MMEL1: variants seen among roughly 807,000 people sequenced by gnomAD.
MMEL1 encodes membrane metalloendopeptidase like 1.
MMEL1 carries 98 observed loss-of-function variants against 117.1 expected under a neutral mutation model. The observed-to-expected ratio is 0.84, with a 90% CI of 0.71 to 0.99. The LOEUF (loss-of-function observed/expected upper bound fraction) is 0.99, where lower values mean the gene tolerates loss of function less well. MMEL1 is among the 50% of genes least tolerant of loss of function. The probability of loss-of-function intolerance (pLI) is 0.00; values close to 1 mark genes in which losing one functional copy is unlikely to be tolerated. For missense variants in MMEL1, 1,014 were observed against 1,049.1 expected (o/e 0.97, Z 0.46); for synonymous variants, 390 against 415.1 (o/e 0.94, Z 0.74).
At chr1:2,624,414 T>C (rs746410503) in intron 2 of MMEL1, among the ~76,000 whole-genome samples, 1 of 152,186 alleles carries the variant, frequency 6.6e-6, no homozygotes, top group Non-Finnish European at 1.5e-5. Context: ...AGGAATTCAA[T>C]CCCTCACACT....
Position 2,612,129 on chromosome 1 carries a change from CG to C in MMEL1, c.229del (p.Arg77GlufsTer9). Reference sequence around the variant, plus strand: ...TTGGAAGGGAAGGCAAAGGCTACCTCGGGGTTTTCGTTTTACAAAGGTCCTC... The same window carrying C: ...TTGGAAGGGAAGGCAAAGGCTACCTCGGGTTTTCGTTTTACAAAGGTCCTC... Reference protein sequence around the residue: ...EERTFVKRKPRGIPEAQEVSE... With the variant: ...EERTFVKRKPXGIPEAQEVSE... On this transcript the variant is annotated frameshift_variant, in exon 3 of 24. Transcript: ENST00000378412. LOFTEE classifies it high-confidence loss of function. The surrounding 1 kb of genome is among the most constrained non-coding windows in gnomAD (Gnocchi z 5.4). 6.3e-7 allele frequency: 1 copy of C among 1,576,978 alleles called. No individual in the cohort carries two copies. The highest frequency in any genetic ancestry group is 1.2e-5 in the South Asian group (1 of 86,504).
chr1:2,603,406 C>A (rs560970091), intron 11 of MMEL1, among the ~76,000 whole-genome samples: 1 of 152,310 alleles, frequency 6.6e-6, no homozygotes, highest in African/African-American at 2.4e-5. Flanking sequence ...CAGCCCCCAC[C>A]TCAAAGCACA....
At chr1:2,600,339 G>A (rs1029443781) in intron 11 of MMEL1, among the ~76,000 whole-genome samples, 1 of 151,972 alleles carries the variant, frequency 6.6e-6, no homozygotes, top group Non-Finnish European at 1.5e-5. Context: ...TCAGCATTAT[G>A]CTCAAAATCC....
At chr1:2,600,105 T>A (rs1209220506) in intron 11 of MMEL1, among the ~76,000 whole-genome samples, 1 of 152,026 alleles carries the variant, frequency 6.6e-6, no homozygotes, top group Non-Finnish European at 1.5e-5. Flanking sequence ...GTAGCTGAGA[T>A]TACAGGCATG....
At chr1:2,594,697 G>A (rs896626158) in intron 17 of MMEL1, 93 bp downstream of exon 17, 21 of 1,129,862 alleles carry the variant, frequency 1.9e-5, no homozygotes, top group Middle Eastern at 2.6e-4. Flanking sequence ...CCCCAGCCAC[G>A]CATCCAGTCC....
At chr1:2,596,179 G>C in intron 14 of MMEL1, 72 bp from the exon 15 acceptor site, 1 of 1,422,910 alleles carries the variant, frequency 7.0e-7, no homozygotes, top group Non-Finnish European at 9.8e-7. Context: ...AGGGCTTTGG[G>C]GAGGTCTGGT....
At chr1:2,610,627 A>G (rs2100948779) in intron 4 of MMEL1, among the ~76,000 whole-genome samples, 1 of 152,300 alleles carries the variant, frequency 6.6e-6, no homozygotes, top group African/African-American at 2.4e-5. Flanking sequence ...GTATTCTGCT[A>G]GAGGGGTTGG....
rs1460055220 is a variant in MMEL1 at position 2,604,231 on chromosome 1, C to T, written c.867G>A (p.Arg289=). ...QFMVSVATLL[R]EDANLPRDSC... ...TGTCCCTGGGCAGGTTTGCATCCTC[C>T]CGCAGCAACGTGGCCACTGACACCA... Residue 289 remains arginine, a synonymous_variant, in exon 10 of 24, where the codon CGG becomes CGA. Transcript: ENST00000378412. 5 of 1,612,902 alleles carry T rather than the reference C, an allele frequency of 3.1e-6. No homozygotes were observed. The highest frequency in any genetic ancestry group is 3.3e-5 in the Admixed American group (2 of 60,024).
intron 11 of MMEL1, among the ~76,000 whole-genome samples, chr1:2,602,497 G>A (rs1462554336): frequency 6.6e-6 from 1 of 152,132 alleles, no homozygotes; most frequent in African/African-American, 2.4e-5. Flanking sequence ...CAACCCCAAA[G>A]CCACCTCCAC....
chr1:2,614,390 T>A (rs1445217336), intron 2 of MMEL1, among the ~76,000 whole-genome samples: 1 of 152,200 alleles, frequency 6.6e-6, no homozygotes, highest in African/African-American at 2.4e-5. Context: ...GGATCCCAGC[T>A]GAACTCTGAA....
intron 2 of MMEL1, among the ~76,000 whole-genome samples, chr1:2,613,855 T>C (rs546908198): frequency 2.0e-5 from 3 of 151,704 alleles, no homozygotes; most frequent in African/African-American, 7.3e-5. Context: ...TGTCTCAAAA[T>C]AAAAACAAAA....
intron 1 of MMEL1, among the ~76,000 whole-genome samples, chr1:2,631,050 TGTGTGC>T (rs1314218050): frequency 3.3e-5 from 5 of 152,206 alleles, no homozygotes. Context: ...GGTGTGCACG[TGTGTGC>T]GTGTGCTCTG....
rs1644824724 is a variant in MMEL1, at chr1:2,595,684, G to A, written c.1500+325C>T. On this transcript the variant is annotated intron_variant, in intron 15 of 23. Coordinates refer to ENST00000378412, the MANE Select transcript of MMEL1 (RefSeq NM_033467.4). This position sits in a 1 kb window ranked among gnomAD's most constrained non-coding sequence, Gnocchi z 4.8. ...TCACTTGGGTCCAGAGGAGCTTCTGGTGGGTCTGACCCTTGCTCCCGAGGC... is the reference window on the plus strand; with the variant it reads ...TCACTTGGGTCCAGAGGAGCTTCTGATGGGTCTGACCCTTGCTCCCGAGGC... 6.6e-6 allele frequency among the ~76,000 whole-genome samples: 1 copy of A among 152,146 alleles called. No homozygotes were observed. The highest frequency in any genetic ancestry group is 1.5e-5 in the Non-Finnish European group (1 of 68,010).
intron 2 of MMEL1, among the ~76,000 whole-genome samples, chr1:2,615,552 C>T (rs531681684): frequency 1.1e-4 from 16 of 152,132 alleles, no homozygotes; most frequent in South Asian, 6.2e-4. Flanking sequence ...GACCCTGGGA[C>T]GGTAAGAGGA....
intron 2 of MMEL1, among the ~76,000 whole-genome samples, chr1:2,614,716 C>T (rs1645176286): frequency 1.3e-5 from 2 of 151,816 alleles, no homozygotes; most frequent in Non-Finnish European, 1.5e-5. Context: ...AGAATAGGAC[C>T]CAGCTCTTGG....
chr1:2,607,387 C>T lies in MMEL1; in HGVS notation c.536-318G>A, dbSNP rs186561680. 4.5e-3 allele frequency among the ~76,000 whole-genome samples: 657 copies of T among 145,886 alleles called. 3 individuals carry two copies. The highest frequency in any genetic ancestry group is 0.015 in the African/African-American group (620 of 40,230). On this transcript the variant is annotated intron_variant, in intron 6 of 23. Transcript: ENST00000378412. ...GAGGCAGCCCCTGGGGCCTGGGAGC[C>T]GGCCAGCAGGCGAGGAGCCTGGGAG...
intron 14 of MMEL1, 129 bp downstream of exon 14, chr1:2,596,432 G>GCCTC: frequency 7.4e-7 from 1 of 1,342,576 alleles, no homozygotes; most frequent in Non-Finnish European, 1.0e-6. Flanking sequence ...GCTTCCCTTA[G>GCCTC]CCTCCCTCTG....
intron 1 of MMEL1, 125 bp downstream of exon 1, chr1:2,632,741 C>A: frequency 1.9e-6 from 1 of 521,876 alleles, no homozygotes; most frequent in Non-Finnish European, 2.5e-6. Flanking sequence ...ACACAGGACG[C>A]CCTGCCCAGC....
At chr1:2,592,767 TCTCC>T (rs768155206) in intron 20 of MMEL1, 47 bp from the exon 21 acceptor site, 2 of 1,609,620 alleles carry the variant, frequency 1.2e-6, no homozygotes, top group African/African-American at 1.3e-5. Context: ...CTGACTTCCC[TCTCC>T]CTCAGGGCCA....
Sources: allele counts gnomAD v4.1 joint callset (sites outside exome capture counted in the v4.1 genomes callset), GRCh38; gene constraint gnomAD v4.1.1; non-coding constraint Gnocchi (gnomAD v3.1); transcripts MANE v1.5; gene names NCBI Gene and HGNC (gene_info 2026-07-23, HGNC 2026-07-21).